XYLT2: variants seen among roughly 807,000 people sequenced by gnomAD.
XYLT2 encodes xylosyltransferase 2.
In XYLT2, 37 loss-of-function variants were observed where a neutral mutation model predicts 82.6. The ratio of observed to expected loss-of-function variants is 0.45; its 90% CI spans 0.34 to 0.59. The LOEUF (loss-of-function observed/expected upper bound fraction) is 0.59. XYLT2 is among the 20% of genes least tolerant of loss of function. The pLI, the probability that XYLT2 is intolerant of heterozygous loss-of-function variation, is 0.01. For missense variants in XYLT2, 934 were observed against 1,181.3 expected (o/e 0.79, Z 3.07); for synonymous variants, 474 against 499.0 (o/e 0.95, Z 0.67).
chr17:50,346,820 A>C lies in XYLT2; in HGVS notation c.135+545A>C. ...GTGTGTACCCGGGAACTGAAGGAAC[A>C]GGGAGTGACGCCGAAGGAGAGAACT... is the stretch of plus-strand genomic sequence containing the variant. On this transcript the variant is annotated intron_variant, in intron 1 of 10. Coordinates refer to ENST00000017003, the MANE Select transcript of XYLT2 (RefSeq NM_022167.4). The surrounding 1 kb of genome is among the most constrained non-coding windows in gnomAD (Gnocchi z 5.1). 1.0e-6 allele frequency: 1 copy of C among 985,388 alleles called. No individual in the cohort carries two copies. The highest frequency in any genetic ancestry group is 1.2e-6 in the Non-Finnish European group (1 of 829,914). The allele number at this position is 985,388 out of a possible 1,614,324, so 61.0% of individuals were successfully genotyped here. A position where few individuals can be genotyped will look rare whatever the true frequency, so the allele number is the denominator to read the frequency against.
chr17:50,357,859 C>T (rs983117995), intron 9 of XYLT2: 10 of 248,894 alleles, frequency 4.0e-5, no homozygotes, highest in African/African-American at 1.3e-4. Context: ...GGAATACAAG[C>T]GCAAGCCACC....
At chr17:50,349,361 G>A (rs1030776962) in intron 1 of XYLT2, among the ~76,000 whole-genome samples, 1 of 151,754 alleles carries the variant, frequency 6.6e-6, no homozygotes, top group Non-Finnish European at 1.5e-5. Flanking sequence ...GCCCTCCCCA[G>A]TGTGGGTAGA....
rs1372995057 is a variant in XYLT2 at position 50,355,884 on chromosome 17, G to A, written c.1192G>A (p.Gly398Ser). Residue 398 changes from glycine to serine, a missense_variant, in exon 6 of 11, where the codon GGT (glycine) becomes AGT (serine). Around this residue, in one of 3 missense-constraint regions of XYLT2, gnomAD observed 189 missense variants for 320.8 expected, o/e 0.59. Coordinates refer to ENST00000017003, the MANE Select transcript of XYLT2 (RefSeq NM_022167.4). ...QIPAGIVVDG[G>S]SDWFVLTRSF... Reference sequence around the variant, plus strand: ...CCCAGCAGGCATTGTGGTGGATGGCGGTTCTGACTGGTTCGTGCTGACACG... The same window carrying A: ...CCCAGCAGGCATTGTGGTGGATGGCAGTTCTGACTGGTTCGTGCTGACACG... 4 of 1,614,258 alleles carry A rather than the reference G, an allele frequency of 2.5e-6. No homozygotes were observed. Among genetic ancestry groups the A allele is most frequent in the East Asian group, 2.2e-5 (1 of 44,890 alleles).
intron 1 of XYLT2, among the ~76,000 whole-genome samples, chr17:50,352,739 C>A (rs899403489): frequency 3.3e-5 from 5 of 152,194 alleles, no homozygotes; most frequent in Non-Finnish European, 7.4e-5. Flanking sequence ...GGGATCCCTT[C>A]AAGGAAGAAC....
intron 1 of XYLT2, among the ~76,000 whole-genome samples, chr17:50,352,961 T>C (rs150763099): frequency 1.1e-3 from 170 of 152,290 alleles, no homozygotes; most frequent in Non-Finnish European, 1.8e-3. Context: ...TGCATGGCCG[T>C]CTCCTTTGCG....
In XYLT2 at chr17:50,350,250, G is replaced by GCATT. The variant is rs1007257484; in HGVS notation, c.136-3361_136-3358dup. On this transcript the variant is annotated intron_variant, in intron 1 of 10. Transcript: ENST00000017003. Reference sequence around the variant, plus strand: ...ATGCTGTGCCTATGCCAAAAGCTTTGCATTCATTCATTCATTCATTCAAAA... The same window carrying GCATT: ...ATGCTGTGCCTATGCCAAAAGCTTTGCATTCATTCATTCATTCATTCATTCAAAA... Among the ~76,000 whole-genome samples, 18 of 95,152 alleles carry GCATT rather than the reference G, an allele frequency of 1.9e-4. 3 individuals are homozygous for GCATT. Among genetic ancestry groups the GCATT allele is most frequent in the African/African-American group, 4.9e-4 (14 of 28,548 alleles). 62.4% of individuals were successfully genotyped at this position (95,152 alleles called of 152,430 possible). A position where few individuals can be genotyped will look rare whatever the true frequency, so the allele number is the denominator to read the frequency against.
Position 50,353,707 on chromosome 17 carries a change from G to C in XYLT2, c.213G>C (p.Arg71=). 1 of 1,561,242 alleles carries C rather than the reference G, an allele frequency of 6.4e-7. No homozygotes were observed. The highest frequency in any genetic ancestry group is 1.2e-5 in the South Asian group (1 of 85,080). ...ACACAGACAGTTCAGCAGGGCGACG[G>C]GGCAGCACAGGCAGAAGGCATGGGC... ...SKDTDSSAGR[R]GSTGRRHGRW... Residue 71 remains arginine, a synonymous_variant, in exon 2 of 11, where the codon CGG becomes CGC. Coordinates refer to ENST00000017003, the MANE Select transcript of XYLT2 (RefSeq NM_022167.4).
intron 1 of XYLT2, among the ~76,000 whole-genome samples, chr17:50,347,367 AGCT>A (rs1223541634): frequency 6.6e-6 from 1 of 151,956 alleles, no homozygotes; most frequent in Non-Finnish European, 1.5e-5. Context: ...GAGACAGAAG[AGCT>A]GCCCTTGCCT....
chr17:50,356,744 TG>T lies in XYLT2; in HGVS notation c.1717del (p.Ala573HisfsTer34). Reference sequence around the variant, plus strand: ...TCAGCCTGCACCATGCCGCCACTGCTGCACCCCCAATGGGCACCCCACTCTG... The same window carrying T: ...TCAGCCTGCACCATGCCGCCACTGCTCACCCCCAATGGGCACCCCACTCTG... ...RLSLHHAATA[A>X]PPMGTPLCRF... On this transcript the variant is annotated frameshift_variant, in exon 8 of 11. Coordinates refer to ENST00000017003, the MANE Select transcript of XYLT2 (RefSeq NM_022167.4). LOFTEE classifies it high-confidence loss of function. 1 of 1,606,056 alleles carries T rather than the reference TG, an allele frequency of 6.2e-7. No homozygotes were observed. The highest frequency in any genetic ancestry group is 8.5e-7 in the Non-Finnish European group (1 of 1,179,866).
rs1912058634 is a variant in XYLT2 at position 50,346,698 on chromosome 17, G to C, written c.135+423G>C. On this transcript the variant is annotated intron_variant, in intron 1 of 10. Coordinates refer to ENST00000017003, the MANE Select transcript of XYLT2 (RefSeq NM_022167.4). This position sits in a 1 kb window ranked among gnomAD's most constrained non-coding sequence, Gnocchi z 5.1. Reference sequence around the variant, plus strand: ...ATGCGCGCCGTGGGCGGAGGAGTAGGGCCAAGGGACTCAGGGCGTCCTTCC... The same window carrying C: ...ATGCGCGCCGTGGGCGGAGGAGTAGCGCCAAGGGACTCAGGGCGTCCTTCC... 1 of 985,400 alleles carries C rather than the reference G, an allele frequency of 1.0e-6. No homozygotes were observed. Among genetic ancestry groups the C allele is most frequent in the East Asian group, 1.1e-4 (1 of 8,798 alleles). The allele number at this position is 985,400 out of a possible 1,614,324, so 61.0% of individuals were successfully genotyped here.
chr17:50,354,136 G>T lies in XYLT2; in HGVS notation c.628+14G>T. The T allele has an allele frequency of 1.9e-6, 3 of 1,601,066 alleles. No individual in the cohort carries two copies. The highest frequency in any genetic ancestry group is 2.5e-6 in the Non-Finnish European group (3 of 1,179,894). On this transcript the variant is annotated intron_variant, in intron 2 of 10. Coordinates refer to ENST00000017003, the MANE Select transcript of XYLT2 (RefSeq NM_022167.4). The stretch of plus-strand genomic sequence containing the variant: ...GTCAGCTGACTGGTGAGGGACAGGG[G>T]TGCTCCAGCCCTTCCCAGGCGGGGG...
Position 50,346,240 on chromosome 17 carries a change from A to C in XYLT2, c.100A>C (p.Ser34Arg). ...GCTGCTGCAGGGCCTGGTAGTGTGG[A>C]GCTTCAGCGGCCTGGAGGAGGACGA... ...ILLLQGLVVW[S>R]FSGLEEDEAG... is the part of the protein sequence containing the mutation. The change falls in exon 1 of 11, where the codon AGC becomes CGC. Residue 34 changes from serine to arginine, a missense_variant. Physicochemically the swap from Ser to Arg is moderately radical, Grantham distance 110. Transcript: ENST00000017003. The surrounding 1 kb of genome is among the most constrained non-coding windows in gnomAD (Gnocchi z 5.1). The C allele has an allele frequency of 1.6e-6, 2 of 1,239,434 alleles. No homozygotes were observed. Among genetic ancestry groups the C allele is most frequent in the Non-Finnish European group, 2.1e-6 (2 of 964,458 alleles). 76.8% of individuals were successfully genotyped at this position (1,239,434 alleles called of 1,614,324 possible). A position where few individuals can be genotyped will look rare whatever the true frequency, so the allele number is the denominator to read the frequency against.
At position 50,356,278 on chromosome 17, in the gene XYLT2, C is replaced by G; in HGVS notation, c.1482+17C>G. On this transcript the variant is annotated intron_variant, in intron 7 of 10. Transcript: ENST00000017003. ...CGGCTGCAGGTGCTTGCCCGAGGCC[C>G]CAAGGCCCCTGGCTAGGTCTTCTCC... 6.2e-7 allele frequency: 1 copy of G among 1,610,740 alleles called. No individual in the cohort carries two copies. The highest frequency in any genetic ancestry group is 8.5e-7 in the Non-Finnish European group (1 of 1,177,294).
rs1204679262 is a variant in XYLT2, at chr17:50,355,850, G to C, written c.1158G>C (p.Glu386Asp). 4 of 1,614,154 alleles carry C rather than the reference G, an allele frequency of 2.5e-6. No homozygotes were observed. The highest frequency in any genetic ancestry group is 2.7e-5 in the African/African-American group (2 of 74,952). ...ECDSHMWRLG[E>D]RQIPAGIVVD... The stretch of plus-strand genomic sequence containing the variant: ...ACTCACACATGTGGCGCCTGGGCGA[G>C]CGGCAGATCCCAGCAGGCATTGTGG... Residue 386 changes from glutamate to aspartate, a missense_variant, in exon 6 of 11, where the codon GAG becomes GAC. Around this residue, in one of 3 missense-constraint regions of XYLT2, gnomAD observed 189 missense variants for 320.8 expected, o/e 0.59. Coordinates refer to ENST00000017003, the MANE Select transcript of XYLT2 (RefSeq NM_022167.4).
At chr17:50,355,085 C>G in intron 4 of XYLT2, 29 bp downstream of exon 4, 1 of 1,518,926 alleles carries the variant, frequency 6.6e-7, no homozygotes, top group Non-Finnish European at 8.8e-7. Context: ...GAGTCCTCTG[C>G]ATGGGAGGGG....
In XYLT2 at chr17:50,354,426, T is replaced by G; in HGVS notation, c.647T>G (p.Ile216Ser). Residue 216 changes from isoleucine to serine, a missense_variant, in exon 3 of 11, where the codon ATC (isoleucine) becomes AGC (serine). This residue lies in a region of XYLT2 where 371 missense variants were observed against 394.9 expected (regional missense o/e 0.94). Transcript: ENST00000017003. ...CTCTCAGGGAAGATGAGCCCCGGCA[T>G]CCAGTGGGATGAGAGCCAAGCCCAG... is the stretch of plus-strand genomic sequence containing the variant. Reference protein sequence around the residue: ...CQLTGKMSPGIQWDESQAQQP... With the variant: ...CQLTGKMSPGSQWDESQAQQP... The G allele has an allele frequency of 6.2e-7, 1 of 1,608,854 alleles. No homozygotes were observed. The highest frequency in any genetic ancestry group is 8.5e-7 in the Non-Finnish European group (1 of 1,177,884).
chr17:50,356,761 C>T lies in XYLT2; in HGVS notation c.1733C>T (p.Thr578Ile), dbSNP rs756332943. 6.2e-7 allele frequency: 1 copy of T among 1,603,064 alleles called. No individual in the cohort carries two copies. Among genetic ancestry groups the T allele is most frequent in the Non-Finnish European group, 8.5e-7 (1 of 1,179,520 alleles). Residue 578 changes from threonine to isoleucine, a missense_variant, in exon 8 of 11, where the codon ACC becomes ATC. Transcript: ENST00000017003. ...GCCACTGCTGCACCCCCAATGGGCA[C>T]CCCACTCTGCAGGTGAGACCCCCTT... is the stretch of plus-strand genomic sequence containing the variant. ...HAATAAPPMG[T>I]PLCRFEPRGL...
Position 50,346,308 on chromosome 17 carries a change from GGCGCGGGGGC to G in XYLT2, c.135+42_135+51del, listed in dbSNP as rs913013352. The G allele has an allele frequency of 3.9e-6, 4 of 1,034,386 alleles. No individual in the cohort carries two copies. Among genetic ancestry groups the G allele is most frequent in the Non-Finnish European group, 4.6e-6 (4 of 862,648 alleles). The allele number at this position is 1,034,386 out of a possible 1,614,324, so 64.1% of individuals were successfully genotyped here. On this transcript the variant is annotated intron_variant, in intron 1 of 10. Transcript: ENST00000017003. This position sits in a 1 kb window ranked among gnomAD's most constrained non-coding sequence, Gnocchi z 5.1. ...GACGGCCGGGCGGGCGGGCAGGCCG[GGCGCGGGGGC>G]GCGCGGGGTCCTGGCGGGGCTGCGG... is the stretch of plus-strand genomic sequence containing the variant.
chr17:50,346,269 G>C lies in XYLT2; in HGVS notation c.129G>C (p.Ala43=), dbSNP rs964005723. 4 of 1,149,220 alleles carry C rather than the reference G, an allele frequency of 3.5e-6. No individual in the cohort carries two copies. The Admixed American group carries it at 1.2e-4, about 34-fold the overall frequency. 71.2% of individuals were successfully genotyped at this position (1,149,220 alleles called of 1,614,324 possible). A position where few individuals can be genotyped will look rare whatever the true frequency, so the allele number is the denominator to read the frequency against. ...TCAGCGGCCTGGAGGAGGACGAGGC[G>C]GGCGAGGTGCTCCGACGGCCGGGCG... ...WSFSGLEEDE[A]GEKGRQRKPR... is the part of the protein sequence containing the mutation. Residue 43 remains alanine (A), a synonymous_variant, in exon 1 of 11, where the codon GCG becomes GCC. Coordinates refer to ENST00000017003, the MANE Select transcript of XYLT2 (RefSeq NM_022167.4). This position sits in a 1 kb window ranked among gnomAD's most constrained non-coding sequence, Gnocchi z 5.1.
Sources: allele counts gnomAD v4.1 joint callset (sites outside exome capture counted in the v4.1 genomes callset), GRCh38; gene constraint gnomAD v4.1.1; regional missense constraint gnomAD v4.1.1; non-coding constraint Gnocchi (gnomAD v3.1); transcripts MANE v1.5; gene names NCBI Gene and HGNC (gene_info 2026-07-23, HGNC 2026-07-21).